The following EPM2A variants were observed in gnomAD, a reference collection of about 807,000 sequenced individuals.
EPM2A encodes laforin.
Under a neutral mutation model 26.5 loss-of-function variants are expected in EPM2A, and 21 were observed. The ratio of observed to expected loss-of-function variants is 0.79; its 90% confidence interval spans 0.56 to 1.14. The LOEUF (loss-of-function observed/expected upper bound fraction) is 1.14. Ranked by LOEUF, EPM2A falls within the 50% of genes most tolerant of loss-of-function variation. The probability of loss-of-function intolerance (pLI) is 0.00; values close to 1 mark genes in which losing one functional copy is unlikely to be tolerated. For missense variants in EPM2A, 458 were observed against 440.8 expected, an observed-to-expected ratio of 1.04 and a Z score of -0.35; for synonymous variants, 217 against 177.6, an observed-to-expected ratio of 1.22 and a Z score of -1.76.
intron 4 of EPM2A, among the ~76,000 whole-genome samples, chr6:145,401,522 T>G (rs1416737550): frequency 6.6e-6 from 1 of 152,188 alleles, no homozygotes; most frequent in Non-Finnish European, 1.5e-5. Context: ...ATGATCCTAT[T>G]GCATTCTACC....
intron 2 of EPM2A, among the ~76,000 whole-genome samples, chr6:145,566,880 TG>T (rs1780890620): frequency 6.6e-6 from 1 of 152,234 alleles, no homozygotes; most frequent in South Asian, 2.1e-4. Flanking sequence ...GAAAATTGCC[TG>T]ATGCCTGTGT....
chr6:145,643,015 G>A (rs4896832), intron 2 of EPM2A, among the ~76,000 whole-genome samples: 57,666 of 151,976 alleles, frequency 0.38, 11,416 homozygotes, highest in South Asian at 0.52. Context: ...TAGAGAGGAA[G>A]AGGGAAGACC....
At chr6:145,489,946 T>G in intron 4 of EPM2A, 1 of 1,372,124 alleles carries the variant, frequency 7.3e-7, no homozygotes, top group South Asian at 1.2e-5. Context: ...TATTTGGACC[T>G]GCTCTGGAAG....
chr6:145,471,938 C>T (rs550169866), intron 4 of EPM2A, among the ~76,000 whole-genome samples: 3 of 151,620 alleles, frequency 2.0e-5, no homozygotes, highest in South Asian at 4.2e-4. Context: ...GGAGTGCTGG[C>T]AATGCTGGCA....
chr6:145,599,136 T>G (rs966002662), intron 2 of EPM2A, among the ~76,000 whole-genome samples: 1 of 152,214 alleles, frequency 6.6e-6, no homozygotes, highest in Non-Finnish European at 1.5e-5. Flanking sequence ...TTGTTCTAGT[T>G]CTGTGAAGTA....
intron 4 of EPM2A, among the ~76,000 whole-genome samples, chr6:145,484,075 G>C (rs550898136): frequency 6.6e-6 from 1 of 152,248 alleles, no homozygotes; most frequent in South Asian, 2.1e-4. Context: ...GAATAGGCTG[G>C]TTCTTTCAGA....
intron 1 of EPM2A, among the ~76,000 whole-genome samples, chr6:145,726,164 C>T (rs568579715): frequency 6.6e-6 from 1 of 152,072 alleles, no homozygotes; most frequent in South Asian, 2.1e-4. Context: ...AAAAATCACA[C>T]ACACAAAGAT....
chr6:145,572,958 G>A (rs1780980305), intron 2 of EPM2A, among the ~76,000 whole-genome samples: 1 of 152,234 alleles, frequency 6.6e-6, no homozygotes, highest in African/African-American at 2.4e-5. Flanking sequence ...AGTTGTAGGA[G>A]GGGCCAAATA....
chr6:145,531,956 A>G (rs1475898091), intron 2 of EPM2A, among the ~76,000 whole-genome samples: 1 of 152,146 alleles, frequency 6.6e-6, no homozygotes, highest in East Asian at 1.9e-4. Context: ...CCAGCTTCTA[A>G]CAATGCGACT....
intron 4 of EPM2A, among the ~76,000 whole-genome samples, chr6:145,406,661 A>C (rs1434511119): frequency 6.6e-6 from 1 of 152,178 alleles, no homozygotes; most frequent in Admixed American, 6.6e-5. Context: ...CAGAGACTGG[A>C]TTTTCAGGAA....
chr6:145,668,947 C>G (rs1172908211), intron 2 of EPM2A, among the ~76,000 whole-genome samples: 1 of 152,004 alleles, frequency 6.6e-6, no homozygotes, highest in Non-Finnish European at 1.5e-5. Context: ...AGAGCCTGTA[C>G]AAGTAGATGT....
rs115649394 is a variant in EPM2A at position 145,534,015 on chromosome 6, T to C, written c.341-31440A>G. Among the ~76,000 whole-genome samples, 752 of 151,960 alleles carry C rather than the reference T, an allele frequency of 4.9e-3. 6 individuals are homozygous for C. Among genetic ancestry groups the C allele is most frequent in the African/African-American group, 0.015 (617 of 41,432 alleles). On this transcript the variant is annotated intron_variant, in intron 2 of 3. Transcript: ENST00000450221. ...TTCTGAAAGCCTTTGTCAAGAGGAG[T>C]TGTTGGATTTATTAATTAAAATTAA...
At chr6:145,732,204 T>TGC (rs1198591697) in intron 1 of EPM2A, among the ~76,000 whole-genome samples, 3 of 43,846 alleles carry the variant, frequency 6.8e-5, no homozygotes, top group African/African-American at 1.5e-4. Flanking sequence ...CTAAGACTTG[T>TGC]GTGTGTGTGT....
chr6:145,642,014 G>A (rs1401162132), intron 2 of EPM2A, among the ~76,000 whole-genome samples: 1 of 152,144 alleles, frequency 6.6e-6, no homozygotes, highest in African/African-American at 2.4e-5. Flanking sequence ...GAGTCCAAGA[G>A]AGTTTGGCCT....
In EPM2A at chr6:145,551,862, T is replaced by A. The variant is rs1375999183; in HGVS notation, c.341-49287A>T. Among the ~76,000 whole-genome samples the A allele has an allele frequency of 1.7e-4, 19 of 113,368 alleles. No homozygotes were observed. The East Asian group carries it at 6.9e-3, about 41-fold the overall frequency. The allele number at this position is 113,368 out of a possible 152,430, so 74.4% of individuals were successfully genotyped here. A position where few individuals can be genotyped will look rare whatever the true frequency, so the allele number is the denominator to read the frequency against. On this transcript the variant is annotated intron_variant, in intron 2 of 3. Coordinates refer to the EPM2A transcript ENST00000450221. ...AACATTACGTTTTATGTACTTAAACTTTTTTTTTTTTGTAAAAGAAACTTG... is the reference window on the plus strand; with the variant it reads ...AACATTACGTTTTATGTACTTAAACATTTTTTTTTTTGTAAAAGAAACTTG...
At chr6:145,516,493 G>A (rs1435061438) in intron 2 of EPM2A, among the ~76,000 whole-genome samples, 1 of 152,132 alleles carries the variant, frequency 6.6e-6, no homozygotes, top group Non-Finnish European at 1.5e-5. Context: ...TCAAGATAGG[G>A]ATGGGAGAAC....
At chr6:145,488,908 A>C (rs2114739684) in intron 4 of EPM2A, among the ~76,000 whole-genome samples, 1 of 152,302 alleles carries the variant, frequency 6.6e-6, no homozygotes, top group African/African-American at 2.4e-5. Context: ...CTTAAGCGAA[A>C]AATAACTCGT....
intron 1 of EPM2A, among the ~76,000 whole-genome samples, chr6:145,729,865 A>T (rs1214813631): frequency 6.6e-6 from 1 of 152,204 alleles, no homozygotes; most frequent in Admixed American, 6.5e-5. Flanking sequence ...TCCCTGCCCA[A>T]ATCTCATGTC....
At chr6:145,419,951 T>C (rs1048490466) in intron 4 of EPM2A, among the ~76,000 whole-genome samples, 9 of 152,122 alleles carry the variant, frequency 5.9e-5, no homozygotes, top group Non-Finnish European at 1.0e-4. Flanking sequence ...AAATTTAAAA[T>C]ATATTTTATT....
Sources: gnomAD v4.1 joint callset for allele counts (sites outside exome capture counted in the v4.1 genomes callset) on GRCh38, gnomAD v4.1.1 for gene constraint, MANE v1.5 for transcripts, NCBI Gene and HGNC (gene_info 2026-07-23, HGNC 2026-07-21) for gene names.